The following TINAG variants were observed in gnomAD, a reference collection of about 807,000 sequenced individuals.
The protein encoded by TINAG is tubulointerstitial nephritis antigen.
TINAG carries 83 observed loss-of-function variants against 72.7 expected under a neutral mutation model. The observed-to-expected ratio is 1.14, with a 90% confidence interval of 0.96 to 1.37. The LOEUF (loss-of-function observed/expected upper bound fraction) is 1.37. Ranked by LOEUF, TINAG falls within the 40% of genes most tolerant of loss-of-function variation. The pLI is 0.00. For missense variants in TINAG, 685 were observed against 576.6 expected (o/e 1.19, Z -1.93); for synonymous variants, 234 against 189.9 (o/e 1.23, Z -1.91).
chr6:54,328,811 G>A (rs935437007), intron 4 of TINAG, among the ~76,000 whole-genome samples: 1 of 151,546 alleles, frequency 6.6e-6, no homozygotes, highest in Non-Finnish European at 1.5e-5. Flanking sequence ...CACAACACAA[G>A]AACTTCATGA....
In TINAG at chr6:54,380,534, C is replaced by T; in HGVS notation, c.1259C>T (p.Thr420Ile). The T allele has an allele frequency of 6.2e-7, 1 of 1,609,958 alleles. No individual in the cohort carries two copies. The highest frequency in any genetic ancestry group is 8.5e-7 in the Non-Finnish European group (1 of 1,177,640). ...THAVKLTGWGTLRGAQGQKEK... is the reference protein window; with the variant it reads ...THAVKLTGWGILRGAQGQKEK... ...ATTGTTATTAATTGTAGATGGGGCA[C>T]ACTGAGAGGAGCACAAGGGCAGAAA... Residue 420 changes from threonine to isoleucine, a missense_variant, in exon 10 of 11, where the codon ACA becomes ATA. By Grantham distance (89) the Thr-to-Ile change is moderately conservative (BLOSUM62 -1). Coordinates refer to ENST00000259782, the MANE Select transcript of TINAG (RefSeq NM_014464.4).
chr6:54,380,437 G>C (rs535718832), intron 9 of TINAG, 89 bp from the exon 10 acceptor site: 7 of 1,086,822 alleles, frequency 6.4e-6, no homozygotes, highest in Middle Eastern at 4.2e-4. Flanking sequence ...AAGCACAAAA[G>C]ATGTAGGAAT....
At position 54,390,110 on chromosome 6, in the gene TINAG, C is replaced by A. The variant is rs1033761571; in HGVS notation, c.*185C>A. On this transcript the variant is annotated 3_prime_UTR_variant, in exon 11 of 11. Transcript: ENST00000259782. The stretch of plus-strand genomic sequence containing the variant: ...CCTTCATATTACTGAGCATTAACAA[C>A]ACCAATAAAGGACAGCAGAGTCCCT... 36 of 753,894 alleles carry A rather than the reference C, an allele frequency of 4.8e-5. No individual in the cohort carries two copies. Among genetic ancestry groups the A allele is most frequent in the Non-Finnish European group, 7.0e-5 (35 of 502,104 alleles). The allele number at this position is 753,894 out of a possible 1,614,324, so 46.7% of individuals were successfully genotyped here. A position where few individuals can be genotyped will look rare whatever the true frequency, so the allele number is the denominator to read the frequency against.
intron 9 of TINAG, among the ~76,000 whole-genome samples, chr6:54,361,108 T>G (rs964343128): frequency 6.6e-6 from 1 of 151,376 alleles, no homozygotes; most frequent in Non-Finnish European, 1.5e-5. Flanking sequence ...ACTTGATTGT[T>G]AAATATTGTG....
intron 1 of TINAG, among the ~76,000 whole-genome samples, chr6:54,309,427 A>G (rs1315720752): frequency 2.0e-5 from 3 of 152,198 alleles, no homozygotes; most frequent in South Asian, 4.1e-4. Context: ...CGCTCTGCCT[A>G]AGTAATACCA....
chr6:54,315,841 T>C (rs1238738557), intron 1 of TINAG, among the ~76,000 whole-genome samples: 1 of 152,176 alleles, frequency 6.6e-6, no homozygotes, highest in Non-Finnish European at 1.5e-5. Context: ...TAAGTTGATT[T>C]GATTATGCAC....
In TINAG at chr6:54,316,491, G is replaced by A. The variant is rs1003015569; in HGVS notation, c.356-4088G>A. On this transcript the variant is annotated intron_variant, in intron 1 of 10. Coordinates refer to ENST00000259782, the MANE Select transcript of TINAG (RefSeq NM_014464.4). The stretch of plus-strand genomic sequence containing the variant: ...ATGGGTAATGGAAGCACTTGCAGCC[G>A]TTTCTCCAAAGCCTGGTCTTTCAGA... Among the ~76,000 whole-genome samples the A allele has an allele frequency of 3.9e-5, 6 of 152,238 alleles. No individual in the cohort carries two copies. The East Asian group carries it at 5.8e-4, about 15-fold the overall frequency.
intron 9 of TINAG, among the ~76,000 whole-genome samples, chr6:54,372,778 A>ACACACACACG (rs1554209175): frequency 1.4e-5 from 2 of 147,086 alleles, no homozygotes; most frequent in African/African-American, 5.0e-5. Context: ...ATATACACAC[A>ACACACACACG]CACACACATA....
chr6:54,365,510 C>G (rs1763380817), intron 9 of TINAG: 1 of 151,456 alleles, frequency 6.6e-6, no homozygotes, highest in Non-Finnish European at 1.5e-5. Context: ...ATGTTGTGAT[C>G]TCATCCAGCC....
At chr6:54,363,780 C>T (rs1334380170) in intron 9 of TINAG, among the ~76,000 whole-genome samples, 2 of 151,260 alleles carry the variant, frequency 1.3e-5, no homozygotes. Flanking sequence ...TTTACAGAGA[C>T]AGAGTGGGAG....
At chr6:54,361,939 C>A (rs1462103895) in intron 9 of TINAG, among the ~76,000 whole-genome samples, 1 of 151,682 alleles carries the variant, frequency 6.6e-6, no homozygotes, top group African/African-American at 2.4e-5. Flanking sequence ...AAGGCCCTAC[C>A]TTTCTTTAAT....
intron 1 of TINAG, among the ~76,000 whole-genome samples, chr6:54,319,491 T>G (rs1411919768): frequency 6.6e-6 from 1 of 152,112 alleles, no homozygotes; most frequent in Non-Finnish European, 1.5e-5. Context: ...AAATTCCATA[T>G]GAAAGGGATG....
rs544720758 is a variant in TINAG at position 54,389,886 on chromosome 6, C to T, written c.1392C>T (p.Ile464=). 2.7e-5 allele frequency: 44 copies of T among 1,610,828 alleles called. No individual in the cohort carries two copies. The highest frequency in any genetic ancestry group is 5.3e-5 in the African/African-American group (4 of 74,814). Residue 464 remains isoleucine (I), a synonymous_variant, in exon 11 of 11, where the codon ATC becomes ATT. Transcript: ENST00000259782. ...VNESDIEKLI[I]AAWGQLTSSD... ...AGTCCGACATTGAAAAGTTGATTAT[C>T]GCAGCTTGGGGCCAACTGACGAGTT...
rs1179497701 is a variant in TINAG at position 54,327,040 on chromosome 6, A to G, written c.624+124A>G. 1.9e-6 allele frequency: 3 copies of G among 1,543,012 alleles called. No homozygotes were observed. The Admixed American group carries it at 6.4e-5, about 33-fold the overall frequency. ...GAGCTTTCAGTCATAATTTTGTCAC[A>G]TAAATAAAAAACCCTTTCCCTAAAT... On this transcript the variant is annotated intron_variant, in intron 4 of 10. Coordinates refer to ENST00000259782, the MANE Select transcript of TINAG (RefSeq NM_014464.4).
At chr6:54,328,429 C>CA (rs1289155181) in intron 4 of TINAG, among the ~76,000 whole-genome samples, 1 of 151,948 alleles carries the variant, frequency 6.6e-6, no homozygotes, top group Non-Finnish European at 1.5e-5. Flanking sequence ...GCATCAACAT[C>CA]AAAAAAAGGA....
At chr6:54,322,482 T>G (rs751167770) in intron 3 of TINAG, among the ~76,000 whole-genome samples, 2 of 152,232 alleles carry the variant, frequency 1.3e-5, no homozygotes, top group African/African-American at 4.8e-5. Context: ...TGATAACATC[T>G]TCTACATTTC....
At chr6:54,362,304 T>C (rs1464102732) in intron 9 of TINAG, among the ~76,000 whole-genome samples, 2 of 151,656 alleles carry the variant, frequency 1.3e-5, no homozygotes, top group Non-Finnish European at 3.0e-5. Context: ...TGACTTGAAG[T>C]TGAAGCCAAT....
intron 9 of TINAG, among the ~76,000 whole-genome samples, chr6:54,362,164 T>G (rs969206709): frequency 6.6e-6 from 1 of 151,716 alleles, no homozygotes; most frequent in African/African-American, 2.4e-5. Context: ...ACTTTCAATG[T>G]GGGTGAAACA....
At chr6:54,377,532 A>G (rs981133698) in intron 9 of TINAG, among the ~76,000 whole-genome samples, 4 of 152,046 alleles carry the variant, frequency 2.6e-5, no homozygotes, top group Non-Finnish European at 5.9e-5. Context: ...AAATAAATAA[A>G]TAAGAAATAA....
Sources: allele counts gnomAD v4.1 joint callset (sites outside exome capture counted in the v4.1 genomes callset), GRCh38; gene constraint gnomAD v4.1.1; transcripts MANE v1.5; gene names NCBI Gene and HGNC (gene_info 2026-07-23, HGNC 2026-07-21).